Variants in EPHB2 observed in about 807,000 individuals in gnomAD.
EPHB2 encodes ephrin type-B receptor 2.
Under a neutral mutation model 96.4 loss-of-function variants are expected in EPHB2, and 18 were observed. That is an observed-to-expected ratio of 0.19 (90% confidence interval 0.13 to 0.28). The LOEUF is 0.28. Ranked by LOEUF, EPHB2 falls within the 10% of genes least tolerant of loss-of-function variation. The pLI is 1.00. For missense variants in EPHB2, 989 were observed against 1,355.4 expected, an observed-to-expected ratio of 0.73 and a Z score of 4.25; for synonymous variants, 506 against 534.1, an observed-to-expected ratio of 0.95 and a Z score of 0.72.
intron 9 of EPHB2, among the ~76,000 whole-genome samples, chr1:22,896,800 A>G (rs1639580213): frequency 6.6e-6 from 1 of 152,176 alleles, no homozygotes; most frequent in Admixed American, 6.5e-5. Context: ...CGCAGGCTGC[A>G]TTGAGGTGGC....
intron 1 of EPHB2, among the ~76,000 whole-genome samples, chr1:22,736,306 A>G (rs545996209): frequency 1.3e-5 from 2 of 152,152 alleles, no homozygotes; most frequent in African/African-American, 2.4e-5. Flanking sequence ...GTTTGGGGAC[A>G]AGGCGGCCCC....
chr1:22,861,026 C>A (rs141370343), intron 3 of EPHB2, among the ~76,000 whole-genome samples: 1 of 152,218 alleles, frequency 6.6e-6, no homozygotes, highest in Non-Finnish European at 1.5e-5. Flanking sequence ...AACAATGTAG[C>A]TCAGAGAGGT....
chr1:22,717,929 G>A (rs1257700835), intron 1 of EPHB2, among the ~76,000 whole-genome samples: 2 of 152,134 alleles, frequency 1.3e-5, no homozygotes, highest in Non-Finnish European at 2.9e-5. Context: ...TCAAATGGGG[G>A]TAATCATTGT....
chr1:22,738,747 G>T (rs899328259), intron 1 of EPHB2, among the ~76,000 whole-genome samples: 3 of 152,178 alleles, frequency 2.0e-5, no homozygotes, highest in Non-Finnish European at 4.4e-5. Flanking sequence ...GACCAACTAT[G>T]TGCCTGGGCT....
At chr1:22,872,550 G>A (rs1638707668) in intron 5 of EPHB2, among the ~76,000 whole-genome samples, 1 of 152,126 alleles carries the variant, frequency 6.6e-6, no homozygotes, top group African/African-American at 2.4e-5. Context: ...CAACTCAGCA[G>A]TGTTGGTAGA....
rs868103402 is a variant in EPHB2 at position 22,819,286 on chromosome 1, T to C, written c.811+34210T>C. ...GTGTCTTTTCATTCTGCCTTGAAACTCCATCTCCGGCCACCGCCTCTCACA... is the reference window on the plus strand; with the variant it reads ...GTGTCTTTTCATTCTGCCTTGAAACCCCATCTCCGGCCACCGCCTCTCACA... On this transcript the variant is annotated intron_variant, in intron 3 of 15. Coordinates refer to ENST00000374630, the MANE Select transcript of EPHB2 (RefSeq NM_017449.5). Among the ~76,000 whole-genome samples, 5 of 148,928 alleles carry C rather than the reference T, an allele frequency of 3.4e-5. No individual in the cohort carries two copies. The South Asian group carries it at 8.7e-4, about 26-fold the overall frequency.
At chr1:22,870,997 A>T (rs1208409659) in intron 5 of EPHB2, among the ~76,000 whole-genome samples, 1 of 152,192 alleles carries the variant, frequency 6.6e-6, no homozygotes, top group African/African-American at 2.4e-5. Context: ...AAACACAGAG[A>T]TCATTCTCTA....
At chr1:22,850,074 G>A (rs1645602955) in intron 3 of EPHB2, among the ~76,000 whole-genome samples, 1 of 152,218 alleles carries the variant, frequency 6.6e-6, no homozygotes, top group Non-Finnish European at 1.5e-5. Context: ...TGGGAGGAGG[G>A]AGGAGGCCAG....
At chr1:22,832,601 G>A (rs962361108) in intron 3 of EPHB2, among the ~76,000 whole-genome samples, 3 of 152,260 alleles carry the variant, frequency 2.0e-5, no homozygotes, top group African/African-American at 7.2e-5. Context: ...TTCAGTCTGG[G>A]TGGTTGCTAT....
intron 3 of EPHB2, among the ~76,000 whole-genome samples, chr1:22,840,277 G>A (rs1645447025): frequency 6.6e-6 from 1 of 152,082 alleles, no homozygotes; most frequent in Non-Finnish European, 1.5e-5. Flanking sequence ...AAGGAATAAC[G>A]ATGACTACTT....
In EPHB2 at chr1:22,767,748, G is replaced by A. The variant is rs1392640894; in HGVS notation, c.62-13673G>A. Among the ~76,000 whole-genome samples the A allele has an allele frequency of 2.0e-5, 3 of 152,090 alleles. 1 individual carries two copies. The highest frequency in any genetic ancestry group is 4.1e-4 in the South Asian group (2 of 4,826). On this transcript the variant is annotated intron_variant, in intron 1 of 15. Transcript: ENST00000374630. ...CCACCTCGAAGGCTCTCTTGATTTC[G>A]AGCCCTGCTCCATGTCAAGGGCCCC...
At position 22,790,221 on chromosome 1, in the gene EPHB2, A is replaced by G. The variant is rs1250075727; in HGVS notation, c.811+5145A>G. 6.6e-6 allele frequency among the ~76,000 whole-genome samples: 1 copy of G among 152,172 alleles called. No individual in the cohort carries two copies. ...GCCCCAAGGTGTGACAGTACAAGGC[A>G]TATTTGATGGGTAGAAAGGGCTTTG... On this transcript the variant is annotated intron_variant, in intron 3 of 15. Transcript: ENST00000374630. The surrounding 1 kb of genome is among the most constrained non-coding windows in gnomAD (Gnocchi z 4.0).
chr1:22,760,717 C>G (rs977778594), intron 1 of EPHB2, among the ~76,000 whole-genome samples: 23 of 152,270 alleles, frequency 1.5e-4, no homozygotes, highest in African/African-American at 5.5e-4. Flanking sequence ...TGAGTCACTC[C>G]TCTGCTGCTG....
intron 1 of EPHB2, chr1:22,775,332 C>T (rs1644435213): frequency 1.3e-6 from 1 of 758,274 alleles, no homozygotes; most frequent in Non-Finnish European, 2.5e-6. Context: ...CCTGAAATGG[C>T]ATTTAGAGGG....
intron 1 of EPHB2, among the ~76,000 whole-genome samples, chr1:22,765,306 G>A (rs553966723): frequency 2.6e-4 from 39 of 152,248 alleles, no homozygotes; most frequent in South Asian, 1.7e-3. Context: ...CAACACTTTA[G>A]GGGGCTGAGA....
At chr1:22,819,799 A>G (rs1297569404) in intron 3 of EPHB2, among the ~76,000 whole-genome samples, 1 of 138,704 alleles carries the variant, frequency 7.2e-6, no homozygotes, top group Non-Finnish European at 1.5e-5. Flanking sequence ...TTTTATTTGG[A>G]TTACTACAAA....
intron 1 of EPHB2, among the ~76,000 whole-genome samples, chr1:22,711,601 G>T (rs1030632708): frequency 7.2e-5 from 11 of 151,816 alleles, no homozygotes; most frequent in Non-Finnish European, 1.0e-4. Flanking sequence ...CCCCCGCGTC[G>T]GTGCCTGCCC....
rs1412613159 is a variant in EPHB2, at chr1:22,918,616, G to C, written c.*5046G>C. 6.6e-6 allele frequency: 1 copy of C among 152,200 alleles called. No individual in the cohort carries two copies. The highest frequency in any genetic ancestry group is 1.5e-5 in the Non-Finnish European group (1 of 68,030). The allele number at this position is 152,200 out of a possible 1,614,324, so 9.4% of individuals were successfully genotyped here. A position where few individuals can be genotyped will look rare whatever the true frequency, so the allele number is the denominator to read the frequency against. ...TACATACGCATGCGAATACACCACC[G>C]GGTGGCCTTGACCCAGCCTTCTGCA... On this transcript the variant is annotated 3_prime_UTR_variant, in exon 16 of 16. Transcript: ENST00000374630. This position sits in a 1 kb window ranked among gnomAD's most constrained non-coding sequence, Gnocchi z 4.2.
At chr1:22,819,973 G>A (rs1347239743) in intron 3 of EPHB2, among the ~76,000 whole-genome samples, 1 of 151,970 alleles carries the variant, frequency 6.6e-6, no homozygotes, top group Non-Finnish European at 1.5e-5. Flanking sequence ...TATCCTCCAT[G>A]CTGAAGACAG....
Sources: allele counts gnomAD v4.1 joint callset (sites outside exome capture counted in the v4.1 genomes callset), GRCh38; gene constraint gnomAD v4.1.1; non-coding constraint Gnocchi (gnomAD v3.1); transcripts MANE v1.5; gene names NCBI Gene and HGNC (gene_info 2026-07-23, HGNC 2026-07-21).